Variants in PRPSAP1 observed in about 807,000 individuals in gnomAD.
PRPSAP1 encodes phosphoribosyl pyrophosphate synthase-associated protein 1.
A neutral mutation model predicts 39.4 loss-of-function variants in PRPSAP1; 31 were observed. That is an observed-to-expected ratio of 0.79 (90% confidence interval 0.59 to 1.06). PRPSAP1 has a LOEUF of 1.06. PRPSAP1 is among the 50% of genes least tolerant of loss of function. PRPSAP1 has a pLI of 0.00. For synonymous variants in PRPSAP1, 212 were observed against 192.6 expected, an observed-to-expected ratio of 1.10 and a Z score of -0.83; for missense variants, 430 against 511.6, an observed-to-expected ratio of 0.84 and a Z score of 1.54.
chr17:76,334,358 G>A (rs766408632), intron 3 of PRPSAP1, among the ~76,000 whole-genome samples: 2 of 152,204 alleles, frequency 1.3e-5, no homozygotes, highest in African/African-American at 2.4e-5. Flanking sequence ...ACACACAGCA[G>A]AGTTAGCGTT....
At chr17:76,322,662 A>C (rs1378019999) in intron 7 of PRPSAP1, among the ~76,000 whole-genome samples, 2 of 151,970 alleles carry the variant, frequency 1.3e-5, no homozygotes, top group African/African-American at 4.8e-5. Context: ...ACAACAAGAC[A>C]AGACCCTGTC....
intron 7 of PRPSAP1, among the ~76,000 whole-genome samples, chr17:76,318,894 T>C (rs1385407163): frequency 2.0e-5 from 3 of 152,148 alleles, no homozygotes; most frequent in African/African-American, 4.8e-5. Context: ...TAATACAACA[T>C]CTATCAAAAT....
intron 3 of PRPSAP1, among the ~76,000 whole-genome samples, chr17:76,340,049 G>A (rs1250939309): frequency 6.7e-6 from 1 of 149,784 alleles, no homozygotes; most frequent in Non-Finnish European, 1.5e-5. Flanking sequence ...TGGGTGCTGA[G>A]ACAGGAGAAT....
chr17:76,320,423 CTTT>C (rs71161282), intron 7 of PRPSAP1, among the ~76,000 whole-genome samples: 1 of 73,422 alleles, frequency 1.4e-5, no homozygotes, highest in South Asian at 6.4e-4. Context: ...GCAGATAATG[CTTT>C]TTTTTTTTTT....
intron 7 of PRPSAP1, 200 bp from the exon 8 acceptor site, chr17:76,314,091 A>C (rs1387212080): frequency 6.9e-6 from 4 of 581,370 alleles, no homozygotes; most frequent in Non-Finnish European, 1.2e-5. Flanking sequence ...GGCATGCCAT[A>C]CATGTTACTT....
chr17:76,345,152 G>A (rs964491143), intron 2 of PRPSAP1, among the ~76,000 whole-genome samples: 2 of 146,548 alleles, frequency 1.4e-5, no homozygotes, highest in Admixed American at 7.0e-5. Flanking sequence ...GGAGAATGGC[G>A]TGAACCTGGG....
chr17:76,353,504 C>T lies in PRPSAP1; in HGVS notation c.170+30G>A, dbSNP rs559438702. On this transcript the variant is annotated intron_variant, in intron 1 of 9. Transcript: ENST00000446526. ...CGAAGGAGAGCTAGGCGCCGCCGCC[C>T]CCGGCCCGGCCCTCCCACCGCCCCC... 3.3e-5 allele frequency: 48 copies of T among 1,471,604 alleles called. No homozygotes were observed. The African/African-American group carries it at 5.8e-4, about 18-fold the overall frequency. The allele number at this position is 1,471,604 out of a possible 1,614,324, so 91.2% of individuals were successfully genotyped here. A position where few individuals can be genotyped will look rare whatever the true frequency, so the allele number is the denominator to read the frequency against.
chr17:76,313,538 G>A, intron 8 of PRPSAP1: 2 of 404,420 alleles, frequency 4.9e-6, no homozygotes, highest in Non-Finnish European at 8.9e-6. Context: ...GCTCAAGCAT[G>A]ATTAGGTGAG....
At chr17:76,340,933 G>T (rs1462840172) in intron 3 of PRPSAP1, among the ~76,000 whole-genome samples, 2 of 151,290 alleles carry the variant, frequency 1.3e-5, no homozygotes, top group Non-Finnish European at 2.9e-5. Flanking sequence ...GGTAGGGGGG[G>T]ACTGTCTTTC....
intron 1 of PRPSAP1, among the ~76,000 whole-genome samples, chr17:76,351,658 G>C (rs2071574514): frequency 2.6e-5 from 4 of 152,202 alleles, no homozygotes; most frequent in Admixed American, 2.6e-4. Flanking sequence ...CTGCACTCCA[G>C]CCTGGGTGAC....
At chr17:76,327,007 A>G (rs907666941) in intron 7 of PRPSAP1, among the ~76,000 whole-genome samples, 3 of 152,180 alleles carry the variant, frequency 2.0e-5, no homozygotes, top group South Asian at 2.1e-4. Context: ...AATCTGTACT[A>G]TTCTTTCAAC....
At chr17:76,350,268 T>C (rs2143555874) in intron 1 of PRPSAP1, among the ~76,000 whole-genome samples, 1 of 151,672 alleles carries the variant, frequency 6.6e-6, no homozygotes, top group South Asian at 2.1e-4. Flanking sequence ...TGAAACCCCA[T>C]CTCTACTAAA....
At chr17:76,328,437 T>C (rs1053960169) in intron 7 of PRPSAP1, among the ~76,000 whole-genome samples, 3 of 151,924 alleles carry the variant, frequency 2.0e-5, no homozygotes, top group Admixed American at 6.6e-5. Flanking sequence ...GGTGAAACCC[T>C]GTCTCTACTA....
intron 3 of PRPSAP1, 77 bp from the exon 4 acceptor site, chr17:76,332,512 A>T: frequency 6.5e-7 from 1 of 1,528,496 alleles, no homozygotes; most frequent in South Asian, 1.2e-5. Flanking sequence ...TTATCAACTT[A>T]ACATGGGCTG....
chr17:76,310,187 G>C lies in PRPSAP1; in HGVS notation c.*1355C>G, dbSNP rs2071055712. The stretch of plus-strand genomic sequence containing the variant: ...AATTTTTGTATTTTTAGTAGGGACA[G>C]GGTTTCACCATATTGGCCAGGCTGG... On this transcript the variant is annotated 3_prime_UTR_variant, in exon 10 of 10. Coordinates refer to ENST00000446526, the MANE Select transcript of PRPSAP1 (RefSeq NM_002766.3). The C allele has an allele frequency of 6.7e-6, 1 of 148,798 alleles. No individual in the cohort carries two copies. Among genetic ancestry groups the C allele is most frequent in the African/African-American group, 2.6e-5 (1 of 39,008 alleles). 9.2% of individuals were successfully genotyped at this position (148,798 alleles called of 1,614,324 possible).
At chr17:76,325,159 C>T (rs2071241335) in intron 7 of PRPSAP1, among the ~76,000 whole-genome samples, 1 of 150,666 alleles carries the variant, frequency 6.6e-6, no homozygotes, top group South Asian at 2.1e-4. Flanking sequence ...CCTGTAATCC[C>T]AGCACTTTGG....
chr17:76,346,625 C>T (rs1315128550), intron 2 of PRPSAP1, among the ~76,000 whole-genome samples: 1 of 152,204 alleles, frequency 6.6e-6, no homozygotes, highest in Admixed American at 6.6e-5. Flanking sequence ...TAAACTCTGC[C>T]ATATTCATTT....
chr17:76,320,441 T>TTC (rs1184605550), intron 7 of PRPSAP1, among the ~76,000 whole-genome samples: 1 of 147,858 alleles, frequency 6.8e-6, no homozygotes, highest in African/African-American at 2.5e-5. Context: ...TTTTTTTTTT[T>TTC]TGAGATGGAG....
Position 76,325,630 on chromosome 17 carries a change from G to A in PRPSAP1, c.781+3087C>T, listed in dbSNP as rs1341568781. ...TTTTTTTTTTTTGAGACAGAGTCTC[G>A]CTCTGTCACCCAGGCTGGAGTGCAG... On this transcript the variant is annotated intron_variant, in intron 7 of 9. Coordinates refer to ENST00000446526, the MANE Select transcript of PRPSAP1 (RefSeq NM_002766.3). 2.4e-4 allele frequency among the ~76,000 whole-genome samples: 31 copies of A among 131,110 alleles called. No individual in the cohort carries two copies. In the Admixed American group the frequency reaches 2.5e-3, roughly 11 times the overall value. 86.0% of individuals were successfully genotyped at this position (131,110 alleles called of 152,430 possible).
Sources: allele counts gnomAD v4.1 joint callset (sites outside exome capture counted in the v4.1 genomes callset), GRCh38; gene constraint gnomAD v4.1.1; transcripts MANE v1.5; gene names NCBI Gene and HGNC (gene_info 2026-07-23, HGNC 2026-07-21).